The following MAGI2 variants were observed in gnomAD, a reference collection of about 807,000 sequenced individuals.
The protein encoded by MAGI2 is membrane associated guanylate kinase, WW and PDZ domain containing 2.
In MAGI2, 35 loss-of-function variants were observed where a neutral mutation model predicts 133.3. That is an observed-to-expected ratio of 0.26 (90% CI 0.20 to 0.35). MAGI2 has a LOEUF of 0.35. Among genes scored for constraint, MAGI2 ranks in the 10% least tolerant of loss-of-function variants. The pLI is 1.00. For synonymous variants in MAGI2, 729 were observed against 710.6 expected (o/e 1.03, Z -0.41); for missense variants, 1,636 against 1,863.4 (o/e 0.88, Z 2.25).
intron 2 of MAGI2, among the ~76,000 whole-genome samples, chr7:78,822,421 T>TCA (rs1425621264): frequency 1.3e-5 from 2 of 152,144 alleles, no homozygotes; most frequent in Non-Finnish European, 2.9e-5. Context: ...AAGAATTGTA[T>TCA]AAGGTGCAGC....
intron 16 of MAGI2, among the ~76,000 whole-genome samples, chr7:78,139,868 C>T (rs796153519): frequency 4.6e-5 from 7 of 152,282 alleles, no homozygotes; most frequent in African/African-American, 1.7e-4. Flanking sequence ...ACAATATTGT[C>T]TACTTATATT....
intron 6 of MAGI2, among the ~76,000 whole-genome samples, chr7:78,451,494 A>G (rs1788718301): frequency 6.6e-6 from 1 of 152,112 alleles, no homozygotes; most frequent in South Asian, 2.1e-4. Context: ...TGAGAATGAC[A>G]GAAGTAATAT....
At chr7:79,136,120 A>G (rs186692944) in intron 1 of MAGI2, among the ~76,000 whole-genome samples, 4 of 151,538 alleles carry the variant, frequency 2.6e-5, no homozygotes, top group African/African-American at 9.7e-5. Flanking sequence ...AAAGAAAGAA[A>G]GAAAGAAAGA....
At chr7:78,516,979 G>A (rs1796093650) in intron 4 of MAGI2, among the ~76,000 whole-genome samples, 1 of 152,200 alleles carries the variant, frequency 6.6e-6, no homozygotes, top group Non-Finnish European at 1.5e-5. Flanking sequence ...AAGAGTTTAA[G>A]TGAAATGTGT....
At chr7:78,977,724 C>T (rs1377592316) in intron 2 of MAGI2, among the ~76,000 whole-genome samples, 1 of 151,628 alleles carries the variant, frequency 6.6e-6, no homozygotes, top group East Asian at 1.9e-4. Flanking sequence ...CTATGAAAGA[C>T]ACTGCTGAGG....
At chr7:78,687,848 T>G (rs1816506801) in intron 2 of MAGI2, among the ~76,000 whole-genome samples, 1 of 151,134 alleles carries the variant, frequency 6.6e-6, no homozygotes, top group South Asian at 2.1e-4. Context: ...CATACACCTG[T>G]AGTCCCAGCT....
At chr7:79,130,184 G>T (rs1307718047) in intron 1 of MAGI2, among the ~76,000 whole-genome samples, 1 of 151,428 alleles carries the variant, frequency 6.6e-6, no homozygotes, top group African/African-American at 2.4e-5. Context: ...AGCTGGCCAT[G>T]GTGGTGGGCA....
chr7:78,160,067 T>C lies in MAGI2; in HGVS notation c.2803A>G (p.Ile935Val), dbSNP rs1824817754. Residue 935 changes from isoleucine to valine, a missense_variant, in exon 16 of 22, where the codon ATC (isoleucine) becomes GTC (valine). Coordinates refer to ENST00000354212, the MANE Select transcript of MAGI2 (RefSeq NM_012301.4). ...RKENEGFGFVIISSLNRPESG... is the reference protein window; with the variant it reads ...RKENEGFGFVVISSLNRPESG... The stretch of plus-strand genomic sequence containing the variant: ...TCAGGCCTGTTCAGGGAGCTGATGA[T>C]GACAAAGCCGAAGCCCTCATTCTCT... 3.1e-6 allele frequency: 5 copies of C among 1,603,336 alleles called. No homozygotes were observed. Among genetic ancestry groups the C allele is most frequent in the South Asian group, 1.1e-5 (1 of 88,664 alleles).
At chr7:78,599,680 A>G (rs963527968) in intron 3 of MAGI2, among the ~76,000 whole-genome samples, 1 of 152,174 alleles carries the variant, frequency 6.6e-6, no homozygotes, top group African/African-American at 2.4e-5. Flanking sequence ...CTGGCTTTGG[A>G]AAGACTATTG....
intron 3 of MAGI2, among the ~76,000 whole-genome samples, chr7:78,526,636 A>C (rs1796976371): frequency 6.6e-6 from 1 of 152,248 alleles, no homozygotes; most frequent in Non-Finnish European, 1.5e-5. Flanking sequence ...CAGTTTTTTA[A>C]CTACCTATGA....
At chr7:78,945,171 C>T (rs1279606557) in intron 2 of MAGI2, among the ~76,000 whole-genome samples, 1 of 152,028 alleles carries the variant, frequency 6.6e-6, no homozygotes, top group Non-Finnish European at 1.5e-5. Context: ...AAGCAATTCT[C>T]CTGCTTCAGC....
At chr7:78,696,583 C>T (rs1052535138) in intron 2 of MAGI2, among the ~76,000 whole-genome samples, 1 of 152,034 alleles carries the variant, frequency 6.6e-6, no homozygotes, top group Non-Finnish European at 1.5e-5. Flanking sequence ...ACAAATCTTG[C>T]ATCAGGTTTC....
intron 14 of MAGI2, among the ~76,000 whole-genome samples, chr7:78,172,967 G>A (rs1451797798): frequency 6.6e-6 from 1 of 152,186 alleles, no homozygotes; most frequent in Non-Finnish European, 1.5e-5. Context: ...AGAGACTTAG[G>A]CTGCTACTTT....
At chr7:79,238,849 G>GA (rs1242080407) in intron 1 of MAGI2, among the ~76,000 whole-genome samples, 1 of 151,982 alleles carries the variant, frequency 6.6e-6, no homozygotes, top group African/African-American at 2.4e-5. Flanking sequence ...TACTTAAAGA[G>GA]AAAAAAACAT....
chr7:78,961,630 A>AT (rs967836281), intron 2 of MAGI2, among the ~76,000 whole-genome samples: 4 of 151,932 alleles, frequency 2.6e-5, no homozygotes, highest in African/African-American at 9.7e-5. Context: ...TGCCAGCTGA[A>AT]TTTTTTTCAT....
At chr7:78,255,895 C>G in intron 10 of MAGI2, 48 bp downstream of exon 10, 1 of 1,549,292 alleles carries the variant, frequency 6.5e-7, no homozygotes, top group South Asian at 1.1e-5. Context: ...TTAAATGATC[C>G]TACTATTTTA....
intron 1 of MAGI2, among the ~76,000 whole-genome samples, chr7:79,234,140 T>C (rs1324361501): frequency 7.1e-6 from 1 of 140,562 alleles, no homozygotes; most frequent in Non-Finnish European, 1.5e-5. Context: ...TCTTCTGGCT[T>C]GTAGGGTTTC....
chr7:78,351,771 A>G (rs1015747245), intron 7 of MAGI2: 1 of 152,076 alleles, frequency 6.6e-6, no homozygotes, highest in Non-Finnish European at 1.5e-5. Flanking sequence ...AAGACTTCAT[A>G]ATTTTTTCTC....
At chr7:79,135,195 G>A (rs779953980) in intron 1 of MAGI2, among the ~76,000 whole-genome samples, 1 of 149,632 alleles carries the variant, frequency 6.7e-6, no homozygotes. Flanking sequence ...CACAATTTTA[G>A]GTAAAGTTGA....
Sources: allele counts gnomAD v4.1 joint callset (sites outside exome capture counted in the v4.1 genomes callset), GRCh38; gene constraint gnomAD v4.1.1; transcripts MANE v1.5; gene names NCBI Gene and HGNC (gene_info 2026-07-23, HGNC 2026-07-21).